MYO9A: variants seen among roughly 807,000 people sequenced by gnomAD.
MYO9A encodes the protein unconventional myosin-IXa.
MYO9A carries 103 observed loss-of-function variants against 293.3 expected under a neutral mutation model. The ratio of observed to expected loss-of-function variants is 0.35; its 90% confidence interval spans 0.30 to 0.41. MYO9A has a LOEUF of 0.41. Among genes scored for constraint, MYO9A ranks in the 10% least tolerant of loss-of-function variants. The probability of loss-of-function intolerance (pLI) is 1.00; values close to 1 mark genes in which losing one functional copy is unlikely to be tolerated. For missense variants in MYO9A, 2,685 were observed against 3,033.0 expected, an observed-to-expected ratio of 0.89 and a Z score of 2.69; for synonymous variants, 1,001 against 1,035.7, an observed-to-expected ratio of 0.97 and a Z score of 0.64.
chr15:71,973,789 C>A (rs1034159068), intron 12 of MYO9A, among the ~76,000 whole-genome samples: 1 of 152,158 alleles, frequency 6.6e-6, no homozygotes, highest in African/African-American at 2.4e-5. Flanking sequence ...CTACATAGGT[C>A]CATGAAATGA....
At chr15:71,984,373 T>C (rs1212184779) in intron 11 of MYO9A, among the ~76,000 whole-genome samples, 3 of 152,200 alleles carry the variant, frequency 2.0e-5, no homozygotes, top group Non-Finnish European at 4.4e-5. Flanking sequence ...CTTTTTTCAT[T>C]GTCTTTGGTT....
chr15:72,021,103 T>C (rs572136076), intron 4 of MYO9A, 86 bp from the exon 5 acceptor site: 2 of 748,886 alleles, frequency 2.7e-6, no homozygotes, highest in Non-Finnish European at 4.3e-6. Context: ...AAACAGTAAT[T>C]AGTAAAATGT....
At chr15:72,037,489 T>C (rs945918826) in intron 2 of MYO9A, among the ~76,000 whole-genome samples, 11 of 151,660 alleles carry the variant, frequency 7.3e-5, no homozygotes, top group African/African-American at 2.4e-4. Context: ...TAAGGCAGAG[T>C]TGACAACCGC....
intron 21 of MYO9A, among the ~76,000 whole-genome samples, chr15:71,903,378 GA>G (rs1400958062): frequency 6.6e-6 from 1 of 150,802 alleles, no homozygotes; most frequent in Non-Finnish European, 1.5e-5. Context: ...TTTCTATCAG[GA>G]AAAAAAAAGC....
chr15:71,874,330 C>G (rs2056613222), intron 32 of MYO9A, among the ~76,000 whole-genome samples: 1 of 151,956 alleles, frequency 6.6e-6, no homozygotes, highest in Non-Finnish European at 1.5e-5. Flanking sequence ...GTTTTGTAGG[C>G]CCTAAAGTTT....
chr15:71,897,540 G>C lies in MYO9A; in HGVS notation c.4963C>G (p.His1655Asp), dbSNP rs2057364150. ...EHFRPTQSYS[H>D]NSDDLSREGN... is the part of the protein sequence containing the mutation. ...TCTCTGGAAAGGTCATCAGAATTGTGGCTGTAAGACTGAGTTGGCCTAAAG... is the reference window on the plus strand; with the variant it reads ...TCTCTGGAAAGGTCATCAGAATTGTCGCTGTAAGACTGAGTTGGCCTAAAG... Residue 1655 changes from histidine to aspartate, a missense_variant, in exon 25 of 42, where the codon CAC becomes GAC. Coordinates refer to ENST00000356056, the MANE Select transcript of MYO9A (RefSeq NM_006901.4). 21 of 1,614,098 alleles carry C rather than the reference G, an allele frequency of 1.3e-5. No individual in the cohort carries two copies. The highest frequency in any genetic ancestry group is 1.8e-5 in the Non-Finnish European group (21 of 1,179,972).
At chr15:71,867,073 AAAAC>A (rs1483351816) in intron 32 of MYO9A, among the ~76,000 whole-genome samples, 5 of 136,318 alleles carry the variant, frequency 3.7e-5, no homozygotes, top group Non-Finnish European at 7.7e-5. Context: ...AACAAAAAAC[AAAAC>A]ACACACACAC....
At chr15:72,028,204 T>A (rs914980903) in intron 3 of MYO9A, among the ~76,000 whole-genome samples, 42 of 68,752 alleles carry the variant, frequency 6.1e-4, no homozygotes, top group East Asian at 2.4e-3. Context: ...CTCAAAAAAA[T>A]AAATAAATAA....
At chr15:72,044,718 A>G (rs1346799325) in intron 2 of MYO9A, among the ~76,000 whole-genome samples, 1 of 152,160 alleles carries the variant, frequency 6.6e-6, no homozygotes, top group African/African-American at 2.4e-5. Context: ...CATATTCTCT[A>G]CATTATTACA....
At chr15:72,027,302 G>A (rs1211753185) in intron 4 of MYO9A, among the ~76,000 whole-genome samples, 1 of 152,166 alleles carries the variant, frequency 6.6e-6, no homozygotes, top group Non-Finnish European at 1.5e-5. Flanking sequence ...AACAAATCAT[G>A]AATTTACTTC....
At chr15:71,900,075 A>G in intron 23 of MYO9A, 69 bp from the exon 24 acceptor site, 1 of 1,390,322 alleles carries the variant, frequency 7.2e-7, no homozygotes, top group Non-Finnish European at 9.7e-7. Context: ...GGAAAAAAAG[A>G]GAATAAATTT....
chr15:71,936,589 T>C (rs755202333), intron 16 of MYO9A, among the ~76,000 whole-genome samples: 1 of 152,142 alleles, frequency 6.6e-6, no homozygotes, highest in Non-Finnish European at 1.5e-5. Flanking sequence ...AACATCACAC[T>C]GTACCTGATA....
At chr15:72,023,789 A>G (rs1284017992) in intron 4 of MYO9A, among the ~76,000 whole-genome samples, 1 of 152,098 alleles carries the variant, frequency 6.6e-6, no homozygotes, top group Non-Finnish European at 1.5e-5. Context: ...TACTTGAAAA[A>G]ACAATTGCCA....
chr15:71,906,943 T>C (rs1180577423), intron 19 of MYO9A, among the ~76,000 whole-genome samples: 2 of 149,990 alleles, frequency 1.3e-5, no homozygotes, highest in Non-Finnish European at 3.0e-5. Context: ...TTTTTTTCTT[T>C]TTTTTTTTTA....
Position 72,045,713 on chromosome 15 carries a change from T to C in MYO9A, c.840+11A>G, listed in dbSNP as rs1165563317. On this transcript the variant is annotated intron_variant, in intron 2 of 41. Transcript: ENST00000356056. ...AAATTAAAATCAAAAATAAGATTTC[T>C]ATATATTTACCTCAAGTACTGGTCC... 3 of 1,555,964 alleles carry C rather than the reference T, an allele frequency of 1.9e-6. No homozygotes were observed. The highest frequency in any genetic ancestry group is 2.8e-5 in the African/African-American group (2 of 72,130).
At chr15:71,985,035 T>C (rs2076374629) in intron 11 of MYO9A, among the ~76,000 whole-genome samples, 1 of 152,184 alleles carries the variant, frequency 6.6e-6, no homozygotes. Flanking sequence ...TTCTCCTCCC[T>C]CAGCCTCTTG....
chr15:71,997,351 C>G lies in MYO9A; in HGVS notation c.1470+2500G>C, dbSNP rs2076727726. 2.6e-5 allele frequency among the ~76,000 whole-genome samples: 4 copies of G among 152,176 alleles called. No individual in the cohort carries two copies. In the South Asian group the frequency reaches 8.3e-4, roughly 32 times the overall value. On this transcript the variant is annotated intron_variant, in intron 9 of 41. Coordinates refer to ENST00000356056, the MANE Select transcript of MYO9A (RefSeq NM_006901.4). ...GCGTGGTGGCTCACGCCTGTAATCC[C>G]AAAACTTTGGAAGGCCAAGGCAGGT...
At chr15:71,852,510 T>C (rs1217569350) in intron 35 of MYO9A, among the ~76,000 whole-genome samples, 2 of 152,010 alleles carry the variant, frequency 1.3e-5, no homozygotes, top group East Asian at 1.9e-4. Context: ...ATTACGGGCA[T>C]GCGCCGCCAC....
At chr15:71,954,486 A>C (rs1009178380) in intron 14 of MYO9A, among the ~76,000 whole-genome samples, 4 of 152,352 alleles carry the variant, frequency 2.6e-5, no homozygotes, top group African/African-American at 9.6e-5. Context: ...TATAGGCGTA[A>C]GCCACCGCAC....
Sources: allele counts gnomAD v4.1 joint callset (sites outside exome capture counted in the v4.1 genomes callset), GRCh38; gene constraint gnomAD v4.1.1; transcripts MANE v1.5; gene names NCBI Gene and HGNC (gene_info 2026-07-23, HGNC 2026-07-21).